The following HAPLN3 variants were observed in gnomAD, a reference collection of about 807,000 sequenced individuals.
HAPLN3 encodes extracellular link domain containing, 1.
In HAPLN3, 28 loss-of-function variants were observed where a neutral mutation model predicts 28.1. That is an observed-to-expected ratio of 1.00 (90% CI 0.74 to 1.37). HAPLN3 has a LOEUF of 1.37. HAPLN3 is among the 40% of genes most tolerant of loss of function. The pLI, the probability that HAPLN3 is intolerant of heterozygous loss-of-function variation, is 0.00. For synonymous variants in HAPLN3, 211 were observed against 213.1 expected (o/e 0.99, Z 0.09); for missense variants, 513 against 504.6 (o/e 1.02, Z -0.16).
Position 88,881,395 on chromosome 15 carries a change from AG to A in HAPLN3, c.454del (p.Leu152TrpfsTer126). On this transcript the variant is annotated frameshift_variant, in exon 3 of 5. Coordinates refer to ENST00000359595, the MANE Select transcript of HAPLN3 (RefSeq NM_178232.4). LOFTEE classifies it high-confidence loss of function. The surrounding 1 kb of genome is among the most constrained non-coding windows in gnomAD (Gnocchi z 6.0). ...GRYRCEVIDG[L>X]EDESGLVELE... ...CTCCACCAGACCGCTTTCATCCTCC[AG>A]CCCGTCAATGACCTCACAGCGGTAA... The A allele has an allele frequency of 6.2e-7, 1 of 1,613,786 alleles. No homozygotes were observed. Among genetic ancestry groups the A allele is most frequent in the Non-Finnish European group, 8.5e-7 (1 of 1,179,964 alleles).
At chr15:88,884,647 C>A (rs777461897) in intron 2 of HAPLN3, among the ~76,000 whole-genome samples, 6 of 152,148 alleles carry the variant, frequency 3.9e-5, no homozygotes, top group Non-Finnish European at 5.9e-5. Context: ...AAATAATGGC[C>A]TCCCAAAATA....
In HAPLN3 at chr15:88,890,756, T is replaced by C. The variant is rs1014078266; in HGVS notation, c.-47-3411A>G. 3.3e-5 allele frequency among the ~76,000 whole-genome samples: 5 copies of C among 152,306 alleles called. No individual in the cohort carries two copies. In the East Asian group the frequency reaches 5.8e-4, roughly 18 times the overall value. On this transcript the variant is annotated intron_variant, in intron 1 of 4. Transcript: ENST00000359595. Reference sequence around the variant, plus strand: ...CTTCTGGAAACCACAGTATCCAGCTTAGAGTCAGAGATGGAAACCACAGAT... The same window carrying C: ...CTTCTGGAAACCACAGTATCCAGCTCAGAGTCAGAGATGGAAACCACAGAT...
rs2141656502 is a variant in HAPLN3, at chr15:88,879,808, G to C, written c.494-539C>G. 3 of 1,090,804 alleles carry C rather than the reference G, an allele frequency of 2.8e-6. No individual in the cohort carries two copies. The highest frequency in any genetic ancestry group is 5.1e-5 in the South Asian group (2 of 38,870). 67.6% of individuals were successfully genotyped at this position (1,090,804 alleles called of 1,614,324 possible). On this transcript the variant is annotated intron_variant, in intron 3 of 4. Coordinates refer to ENST00000359595, the MANE Select transcript of HAPLN3 (RefSeq NM_178232.4). This position sits in a 1 kb window ranked among gnomAD's most constrained non-coding sequence, Gnocchi z 5.0. ...CTTCCATAAAGGAGGCTCAAGGGCAGGGAGGTCTGGGGCAGGCGGTTTCTC... is the reference window on the plus strand; with the variant it reads ...CTTCCATAAAGGAGGCTCAAGGGCACGGAGGTCTGGGGCAGGCGGTTTCTC...
chr15:88,884,448 C>T (rs1376372478), intron 2 of HAPLN3, among the ~76,000 whole-genome samples: 1 of 151,874 alleles, frequency 6.6e-6, no homozygotes, highest in African/African-American at 2.4e-5. Context: ...CCTGTAGTCC[C>T]AGCTACTCGG....
intron 4 of HAPLN3, 53 bp downstream of exon 4, chr15:88,878,914 A>G (rs1897609626): frequency 1.2e-5 from 18 of 1,511,984 alleles, no homozygotes; most frequent in Admixed American, 2.1e-5. Flanking sequence ...GCCCTCTCAC[A>G]GGTCCCAGGT....
At position 88,881,147 on chromosome 15, in the gene HAPLN3, AGCTGTGTGACCTTAG is replaced by A. The variant is rs1246476420; in HGVS notation, c.493+195_493+209del. On this transcript the variant is annotated intron_variant, in intron 3 of 4. Transcript: ENST00000359595. This position sits in a 1 kb window ranked among gnomAD's most constrained non-coding sequence, Gnocchi z 6.0. ...TCAGACCCCAGCTCTGTCGTTTACAAGCTGTGTGACCTTAGGTAAGTTACTTGACCTCTCTGTGCC... is the reference window on the plus strand; with the variant it reads ...TCAGACCCCAGCTCTGTCGTTTACAAGTAAGTTACTTGACCTCTCTGTGCC... 1.6e-6 allele frequency: 1 copy of A among 622,184 alleles called. No individual in the cohort carries two copies. The highest frequency in any genetic ancestry group is 1.8e-5 in the African/African-American group (1 of 54,082). 38.5% of individuals were successfully genotyped at this position (622,184 alleles called of 1,614,324 possible).
intron 2 of HAPLN3, among the ~76,000 whole-genome samples, chr15:88,883,527 G>A (rs1368539203): frequency 6.6e-6 from 1 of 152,214 alleles, no homozygotes; most frequent in Non-Finnish European, 1.5e-5. Context: ...ATGAAGCAGG[G>A]CTATCATTTA....
rs1897651040 is a variant in HAPLN3 at position 88,879,906 on chromosome 15, TA to T, written c.494-638del. 7.9e-6 allele frequency: 8 copies of T among 1,013,116 alleles called. No homozygotes were observed. The highest frequency in any genetic ancestry group is 1.7e-5 in the African/African-American group (1 of 57,680). The allele number at this position is 1,013,116 out of a possible 1,614,324, so 62.8% of individuals were successfully genotyped here. On this transcript the variant is annotated intron_variant, in intron 3 of 4. Transcript: ENST00000359595. This position sits in a 1 kb window ranked among gnomAD's most constrained non-coding sequence, Gnocchi z 5.0. ...GTTCGTGTTTGAAATTTTACTCTAA[TA>T]AAAAGTTTTTAAACTTCTGAGATGT... is the stretch of plus-strand genomic sequence containing the variant.
chr15:88,893,417 C>CAAAA (rs563183384), intron 1 of HAPLN3, among the ~76,000 whole-genome samples: 1 of 134,678 alleles, frequency 7.4e-6, no homozygotes, highest in South Asian at 2.4e-4. Context: ...GACTCCAGCT[C>CAAAA]AAAAAAAAAA....
rs1031344957 is a variant in HAPLN3, at chr15:88,895,186, G to A, written c.-48+273C>T. Among the ~76,000 whole-genome samples, 1 of 152,148 alleles carries A rather than the reference G, an allele frequency of 6.6e-6. No homozygotes were observed. The highest frequency in any genetic ancestry group is 2.4e-5 in the African/African-American group (1 of 41,446). ...GGCGGACGGTGGTCTCGGAGGCCAC[G>A]GGGTCCGCTCGGGCTCTGCTCCCTC... On this transcript the variant is annotated intron_variant, in intron 1 of 4. Coordinates refer to ENST00000359595, the MANE Select transcript of HAPLN3 (RefSeq NM_178232.4). The surrounding 1 kb of genome is among the most constrained non-coding windows in gnomAD (Gnocchi z 5.5).
Position 88,880,093 on chromosome 15 carries a change from C to A in HAPLN3, c.494-824G>T. On this transcript the variant is annotated intron_variant, in intron 3 of 4. Transcript: ENST00000359595. This position sits in a 1 kb window ranked among gnomAD's most constrained non-coding sequence, Gnocchi z 6.0. ...CGGAAGCCAGGCACCTGGGCAAAGCCAGGTTGGGCGGCAGAGAAGCCCATG... is the reference window on the plus strand; with the variant it reads ...CGGAAGCCAGGCACCTGGGCAAAGCAAGGTTGGGCGGCAGAGAAGCCCATG... The A allele has an allele frequency of 1.0e-6, 1 of 992,284 alleles. No homozygotes were observed. Among genetic ancestry groups the A allele is most frequent in the Non-Finnish European group, 1.2e-6 (1 of 834,352 alleles). The allele number at this position is 992,284 out of a possible 1,614,324, so 61.5% of individuals were successfully genotyped here.
In HAPLN3 at chr15:88,879,629, C is replaced by G; in HGVS notation, c.494-360G>C. 8.0e-7 allele frequency: 1 copy of G among 1,256,046 alleles called. No homozygotes were observed. 77.8% of individuals were successfully genotyped at this position (1,256,046 alleles called of 1,614,324 possible). ...GGGCTCTAGGGGCCAGGTTTGACTC[C>G]CAGCTCCCCACTCGTTAGCTGGGAC... On this transcript the variant is annotated intron_variant, in intron 3 of 4. Transcript: ENST00000359595. This position sits in a 1 kb window ranked among gnomAD's most constrained non-coding sequence, Gnocchi z 5.0.
chr15:88,893,092 T>A (rs1343859576), intron 1 of HAPLN3: 3 of 870,990 alleles, frequency 3.4e-6, no homozygotes, highest in Non-Finnish European at 5.6e-6. Context: ...AGTTCACCTC[T>A]CTGTGCCTCC....
At position 88,888,216 on chromosome 15, in the gene HAPLN3, C is replaced by T. The variant is rs1221641691; in HGVS notation, c.-47-871G>A. Among the ~76,000 whole-genome samples the T allele has an allele frequency of 4.0e-5, 6 of 151,526 alleles. No homozygotes were observed. Among genetic ancestry groups the T allele is most frequent in the African/African-American group, 7.3e-5 (3 of 41,274 alleles). Reference sequence around the variant, plus strand: ...AAGAAATTCTCCTGCCTCAGCCTCCCGAGTAGCTGGGACTACAGGTGCGTG... The same window carrying T: ...AAGAAATTCTCCTGCCTCAGCCTCCTGAGTAGCTGGGACTACAGGTGCGTG... On this transcript the variant is annotated intron_variant, in intron 1 of 4. Coordinates refer to ENST00000359595, the MANE Select transcript of HAPLN3 (RefSeq NM_178232.4). This position sits in a 1 kb window ranked among gnomAD's most constrained non-coding sequence, Gnocchi z 4.1.
intron 1 of HAPLN3, among the ~76,000 whole-genome samples, chr15:88,894,005 G>A: frequency 6.6e-6 from 1 of 151,900 alleles, no homozygotes; most frequent in Non-Finnish European, 1.5e-5. Flanking sequence ...GAAGATTAAG[G>A]GAGAGAATAG....
chr15:88,878,965 AC>A lies in HAPLN3; in HGVS notation c.796+1del, dbSNP rs1897612222. ...AGGCCCGCGCTTGGCTATTCCACTC[AC>A]CCTTGAGGGCAGTAGCGAAGCAGAA... is the stretch of plus-strand genomic sequence containing the variant. On this transcript the variant is annotated splice_donor_variant, in intron 4 of 4. Coordinates refer to ENST00000359595, the MANE Select transcript of HAPLN3 (RefSeq NM_178232.4). LOFTEE classifies it high-confidence loss of function. 7 of 1,604,370 alleles carry A rather than the reference AC, an allele frequency of 4.4e-6. No homozygotes were observed. Among genetic ancestry groups the A allele is most frequent in the Middle Eastern group, 1.7e-4 (1 of 6,058 alleles).
intron 1 of HAPLN3, among the ~76,000 whole-genome samples, chr15:88,891,599 C>A (rs577195056): frequency 6.6e-6 from 1 of 152,274 alleles, no homozygotes; most frequent in Admixed American, 6.5e-5. Flanking sequence ...CACCTGGTAT[C>A]TCTCATGTAA....
At chr15:88,894,931 T>C (rs901882932) in intron 1 of HAPLN3, among the ~76,000 whole-genome samples, 3 of 152,174 alleles carry the variant, frequency 2.0e-5, no homozygotes, top group Admixed American at 1.3e-4. Flanking sequence ...AGGCATCAGT[T>C]GCCTTTGCCC....
In HAPLN3 at chr15:88,895,244, C is replaced by G. The variant is rs1898126762; in HGVS notation, c.-48+215G>C. Among the ~76,000 whole-genome samples, 1 of 152,114 alleles carries G rather than the reference C, an allele frequency of 6.6e-6. No individual in the cohort carries two copies. On this transcript the variant is annotated intron_variant, in intron 1 of 4. Transcript: ENST00000359595. The surrounding 1 kb of genome is among the most constrained non-coding windows in gnomAD (Gnocchi z 5.5). ...GCACGAGGGTCCGGCGCCCGCATCCCCGCGCCGCTCCCTCCCCACTTGTGC... is the reference window on the plus strand; with the variant it reads ...GCACGAGGGTCCGGCGCCCGCATCCGCGCGCCGCTCCCTCCCCACTTGTGC...
Sources: allele counts gnomAD v4.1 joint callset (sites outside exome capture counted in the v4.1 genomes callset), GRCh38; gene constraint gnomAD v4.1.1; non-coding constraint Gnocchi (gnomAD v3.1); transcripts MANE v1.5; gene names NCBI Gene and HGNC (gene_info 2026-07-23, HGNC 2026-07-21).